The following CLDN16 variants were observed in gnomAD, a reference collection of about 807,000 sequenced individuals.
CLDN16 encodes claudin 16, also known as claudin-16.
In CLDN16, 13 loss-of-function variants were observed where a neutral mutation model predicts 24.6. The observed-to-expected ratio is 0.53, with a 90% confidence interval of 0.34 to 0.84. The LOEUF (loss-of-function observed/expected upper bound fraction) is 0.84. Ranked by LOEUF, CLDN16 falls within the 40% of genes least tolerant of loss-of-function variation. The pLI, the probability that CLDN16 is intolerant of heterozygous loss-of-function variation, is 0.01. For synonymous variants in CLDN16, 116 were observed against 106.7 expected, an observed-to-expected ratio of 1.09 and a Z score of -0.54; for missense variants, 298 against 292.7, an observed-to-expected ratio of 1.02 and a Z score of -0.13.
intron 3 of CLDN16, among the ~76,000 whole-genome samples, chr3:190,406,893 C>T (rs908179599): frequency 6.6e-6 from 1 of 152,044 alleles, no homozygotes; most frequent in Admixed American, 6.5e-5. Flanking sequence ...AGGCGCCCAC[C>T]ACCACGCCTG....
At chr3:190,298,348 T>TACACACACACACACACACACACACACAC in the CLDN16 span, among the ~76,000 whole-genome samples, 8 of 147,958 alleles carry the variant, frequency 5.4e-5, no homozygotes, top group Admixed American at 2.0e-4. Context: ...ATGTATATTA[T>TACACACACACACACACACACACACACAC]ACACACACAC....
At chr3:190,407,771 A>G (rs1192894205) in intron 3 of CLDN16, among the ~76,000 whole-genome samples, 1 of 152,202 alleles carries the variant, frequency 6.6e-6, no homozygotes, top group Non-Finnish European at 1.5e-5. Flanking sequence ...TTTGTGTTTG[A>G]CCTCAAGACA....
chr3:190,335,732 G>T (rs1367215423), intron 1 of CLDN16, among the ~76,000 whole-genome samples: 1 of 102,312 alleles, frequency 9.8e-6, no homozygotes, highest in African/African-American at 3.9e-5. Flanking sequence ...AAAAAAAAAA[G>T]GTTTATCCTA....
intron 1 of CLDN16, among the ~76,000 whole-genome samples, chr3:190,345,332 C>G (rs1487675612): frequency 6.6e-6 from 1 of 152,120 alleles, no homozygotes; most frequent in Non-Finnish European, 1.5e-5. Context: ...CTCTTCATAT[C>G]ACACACCCAC....
intron 1 of CLDN16, among the ~76,000 whole-genome samples, chr3:190,360,021 G>T (rs1717854558): frequency 6.6e-6 from 1 of 151,942 alleles, no homozygotes; most frequent in Non-Finnish European, 1.5e-5. Flanking sequence ...AGCTATGTTG[G>T]GTTGGGCTGA....
chr3:190,294,890 ATC>A, the CLDN16 span, among the ~76,000 whole-genome samples: 4 of 152,170 alleles, frequency 2.6e-5, no homozygotes, highest in Non-Finnish European at 5.9e-5. Context: ...TCATGAAGTT[ATC>A]ACCACATTTT....
chr3:190,332,316 G>A (rs113703878), intron 1 of CLDN16, among the ~76,000 whole-genome samples: 2,199 of 152,164 alleles, frequency 0.014, 55 homozygotes, highest in African/African-American at 0.048. Flanking sequence ...CTGATTATAT[G>A]TAATGAAATT....
At chr3:190,315,267 C>T in the CLDN16 span, among the ~76,000 whole-genome samples, 1 of 152,154 alleles carries the variant, frequency 6.6e-6, no homozygotes. Context: ...AGGGAAACCA[C>T]ATATCTCAGT....
the CLDN16 span, among the ~76,000 whole-genome samples, chr3:190,304,711 A>C: frequency 6.6e-6 from 1 of 152,186 alleles, no homozygotes; most frequent in Non-Finnish European, 1.5e-5. Flanking sequence ...ATGAGGAAAG[A>C]AGGAAATTCA....
chr3:190,330,111 C>A (rs917293192), intron 1 of CLDN16, among the ~76,000 whole-genome samples: 1 of 152,014 alleles, frequency 6.6e-6, no homozygotes, highest in Non-Finnish European at 1.5e-5. Flanking sequence ...GGTTCGCTAG[C>A]TAGAAATGTT....
chr3:190,355,236 G>C (rs1717744055), intron 1 of CLDN16, among the ~76,000 whole-genome samples: 1 of 151,846 alleles, frequency 6.6e-6, no homozygotes, highest in African/African-American at 2.4e-5. Flanking sequence ...GTCGTGGCTA[G>C]ACTAAGAATC....
At chr3:190,335,016 CTTTTTTCTT>C (rs1717266469) in intron 1 of CLDN16, among the ~76,000 whole-genome samples, 1 of 120,948 alleles carries the variant, frequency 8.3e-6, no homozygotes, top group Admixed American at 8.1e-5. Flanking sequence ...CTTTCCTTTT[CTTTTTTCTT>C]TTTTTTTTTT....
At chr3:190,322,831 C>T (rs1371912557) in intron 1 of CLDN16, among the ~76,000 whole-genome samples, 1 of 152,144 alleles carries the variant, frequency 6.6e-6, no homozygotes, top group African/African-American at 2.4e-5. Context: ...TACCCAACTC[C>T]GCGTCTCCTC....
intron 1 of CLDN16, among the ~76,000 whole-genome samples, chr3:190,326,780 G>A (rs1717071776): frequency 1.3e-5 from 2 of 152,150 alleles, no homozygotes; most frequent in Non-Finnish European, 2.9e-5. Flanking sequence ...GGGAGGGGAT[G>A]AAATTTTAGC....
chr3:190,376,737 C>T (rs1260552111), intron 3 of CLDN16, among the ~76,000 whole-genome samples: 1 of 151,900 alleles, frequency 6.6e-6, no homozygotes, highest in African/African-American at 2.4e-5. Context: ...AAAGAATTCC[C>T]ATCCTGGTAA....
At chr3:190,330,045 C>A (rs969138147) in intron 1 of CLDN16, among the ~76,000 whole-genome samples, 5 of 147,498 alleles carry the variant, frequency 3.4e-5, no homozygotes, top group Non-Finnish European at 2.9e-5. Flanking sequence ...CGTCCCCCCT[C>A]CACCAGCATC....
chr3:190,311,915 T>A, the CLDN16 span, among the ~76,000 whole-genome samples: 1 of 151,846 alleles, frequency 6.6e-6, no homozygotes, highest in Non-Finnish European at 1.5e-5. Context: ...AACTTATCAA[T>A]CAACACTTGA....
At chr3:190,298,348 T>C in the CLDN16 span, among the ~76,000 whole-genome samples, 31 of 147,960 alleles carry the variant, frequency 2.1e-4, no homozygotes, top group East Asian at 2.6e-3. Flanking sequence ...ATGTATATTA[T>C]ACACACACAC....
chr3:190,310,225 C>T, the CLDN16 span: 1 of 1,613,656 alleles, frequency 6.2e-7, no homozygotes, highest in Non-Finnish European at 8.5e-7. Flanking sequence ...TATTGCCATA[C>T]CATGCTGTGG....
Sources: gnomAD v4.1 joint callset for allele counts (sites outside exome capture counted in the v4.1 genomes callset) on GRCh38, gnomAD v4.1.1 for gene constraint, MANE v1.5 for transcripts, NCBI Gene and HGNC (gene_info 2026-07-23, HGNC 2026-07-21) for gene names.